MLLT10: variants seen among roughly 807,000 people sequenced by gnomAD.
MLLT10 encodes MLLT10 histone lysine methyltransferase DOT1L cofactor.
Under a neutral mutation model 129.1 loss-of-function variants are expected in MLLT10, and 30 were observed. The ratio of observed to expected loss-of-function variants is 0.23; its 90% confidence interval spans 0.17 to 0.32. The LOEUF (loss-of-function observed/expected upper bound fraction) is 0.32. MLLT10 is among the 10% of genes least tolerant of loss of function. MLLT10 has a pLI of 1.00. For missense variants in MLLT10, 1,119 were observed against 1,268.3 expected, an observed-to-expected ratio of 0.88 and a Z score of 1.79; for synonymous variants, 490 against 446.4, an observed-to-expected ratio of 1.10 and a Z score of -1.23.
chr10:21,550,965 A>T (rs1253867024), intron 3 of MLLT10, among the ~76,000 whole-genome samples: 1 of 143,462 alleles, frequency 7.0e-6, no homozygotes, highest in Non-Finnish European at 1.5e-5. Context: ...TTGCTCTGTC[A>T]CCCAGTGCAG....
chr10:21,605,134 T>TG (rs2043933652), intron 5 of MLLT10, among the ~76,000 whole-genome samples: 1 of 152,024 alleles, frequency 6.6e-6, no homozygotes, highest in Non-Finnish European at 1.5e-5. Flanking sequence ...TTTAACATCT[T>TG]GGCTTAGCCT....
chr10:21,693,289 A>C (rs2131443652), intron 13 of MLLT10, among the ~76,000 whole-genome samples: 1 of 152,216 alleles, frequency 6.6e-6, no homozygotes, highest in East Asian at 1.9e-4. Context: ...ACTTTTTGCT[A>C]TGCATGTTTA....
At chr10:21,707,461 GATT>G (rs2055644120) in intron 13 of MLLT10, among the ~76,000 whole-genome samples, 1 of 152,094 alleles carries the variant, frequency 6.6e-6, no homozygotes, top group African/African-American at 2.4e-5. Context: ...AAAGTGCTGG[GATT>G]ACAGGCGTGA....
chr10:21,696,214 T>TA, intron 13 of MLLT10, among the ~76,000 whole-genome samples: 1 of 151,180 alleles, frequency 6.6e-6, no homozygotes, highest in East Asian at 1.9e-4. Context: ...TTATTATTAT[T>TA]TTTTTTTTGA....
intron 3 of MLLT10, among the ~76,000 whole-genome samples, chr10:21,560,639 A>G (rs1415554670): frequency 6.6e-6 from 1 of 152,044 alleles, no homozygotes; most frequent in Non-Finnish European, 1.5e-5. Flanking sequence ...GTAGAGAGGT[A>G]GCTTCACTAT....
chr10:21,720,461 G>A (rs565177047), intron 14 of MLLT10, among the ~76,000 whole-genome samples: 1 of 152,330 alleles, frequency 6.6e-6, no homozygotes, highest in South Asian at 2.1e-4. Context: ...TTGATCTGGA[G>A]AATATGTGAA....
Position 21,740,222 on chromosome 10 carries a change from A to C in MLLT10, c.3148A>C (p.Ser1050Arg). 20 of 1,614,110 alleles carry C rather than the reference A, an allele frequency of 1.2e-5. No individual in the cohort carries two copies. The highest frequency in any genetic ancestry group is 1.7e-5 in the Non-Finnish European group (20 of 1,179,944). Residue 1050 changes from serine to arginine, a missense_variant, in exon 22 of 23, where the codon AGT becomes CGT. Physicochemically the swap from Ser to Arg is moderately radical, Grantham distance 110. This residue lies in a region of MLLT10 where 1,004 missense variants were observed against 1,008.7 expected (regional missense o/e 1.00). Coordinates refer to ENST00000307729, the MANE Select transcript of MLLT10 (RefSeq NM_001195626.3). Reference sequence around the variant, plus strand: ...TCTCACCATCCATGGAGATAATGCAAGTCAGAAAGTAGCAGTAAGTATATT... The same window carrying C: ...TCTCACCATCCATGGAGATAATGCACGTCAGAAAGTAGCAGTAAGTATATT... ...PFLTIHGDNA[S>R]QKVARLSDKT...
At chr10:21,565,395 C>T (rs571374490) in intron 3 of MLLT10, among the ~76,000 whole-genome samples, 148 of 152,204 alleles carry the variant, frequency 9.7e-4, no homozygotes, top group Middle Eastern at 3.4e-3. Context: ...GCAACCTCCG[C>T]CTTCCGGATT....
At chr10:21,702,344 G>T (rs890282994) in intron 13 of MLLT10, among the ~76,000 whole-genome samples, 1 of 152,100 alleles carries the variant, frequency 6.6e-6, no homozygotes, top group African/African-American at 2.4e-5. Context: ...TTAAAGATTT[G>T]TTTTGTGTCC....
chr10:21,687,377 C>T (rs1324249775), intron 13 of MLLT10, among the ~76,000 whole-genome samples: 1 of 152,164 alleles, frequency 6.6e-6, no homozygotes, highest in Non-Finnish European at 1.5e-5. Context: ...GAGTAATACT[C>T]AGGCTCATAT....
intron 3 of MLLT10, among the ~76,000 whole-genome samples, chr10:21,562,528 G>T (rs2038957766): frequency 6.6e-6 from 1 of 151,522 alleles, no homozygotes; most frequent in African/African-American, 2.4e-5. Context: ...AGTAGAGACA[G>T]GGTTTTACCA....
At chr10:21,633,792 G>C (rs935188040) in intron 8 of MLLT10, among the ~76,000 whole-genome samples, 1 of 152,244 alleles carries the variant, frequency 6.6e-6, no homozygotes, top group Non-Finnish European at 1.5e-5. Context: ...ATTCTATATA[G>C]CCACAATGTA....
At chr10:21,569,425 ATT>A (rs768378294) in intron 3 of MLLT10, among the ~76,000 whole-genome samples, 7 of 138,570 alleles carry the variant, frequency 5.1e-5, no homozygotes, top group Admixed American at 7.2e-5. Context: ...TACCCAGCCA[ATT>A]TTTTTTTTTT....
At chr10:21,545,466 G>C (rs1430483996) in intron 3 of MLLT10, among the ~76,000 whole-genome samples, 1 of 152,114 alleles carries the variant, frequency 6.6e-6, no homozygotes, top group Non-Finnish European at 1.5e-5. Context: ...TCCTGGTTTG[G>C]GTAGAACCCT....
At chr10:21,551,798 CTCT>C in intron 3 of MLLT10, 2 of 403,648 alleles carry the variant, frequency 5.0e-6, no homozygotes, top group South Asian at 1.7e-5. Flanking sequence ...CTGTCTCTCT[CTCT>C]TTTTTTTTTT....
chr10:21,578,032 A>T (rs1029721675), intron 3 of MLLT10, among the ~76,000 whole-genome samples: 2 of 151,832 alleles, frequency 1.3e-5, no homozygotes, highest in Admixed American at 6.6e-5. Flanking sequence ...AGTACCTGGG[A>T]TTACAGGTGC....
intron 3 of MLLT10, among the ~76,000 whole-genome samples, chr10:21,567,514 C>T (rs181502563): frequency 6.6e-6 from 1 of 152,202 alleles, no homozygotes; most frequent in East Asian, 1.9e-4. Flanking sequence ...TCCAGTCTTC[C>T]CTACTTTTCT....
intron 13 of MLLT10, among the ~76,000 whole-genome samples, chr10:21,690,666 C>G (rs1017576885): frequency 2.0e-5 from 3 of 151,964 alleles, no homozygotes; most frequent in Non-Finnish European, 4.4e-5. Flanking sequence ...TACCTCTGTC[C>G]TGGAGTTACT....
At chr10:21,702,797 T>A (rs1249003478) in intron 13 of MLLT10, among the ~76,000 whole-genome samples, 1 of 152,214 alleles carries the variant, frequency 6.6e-6, no homozygotes, top group Non-Finnish European at 1.5e-5. Context: ...ATACCTTTAC[T>A]TTCCATCTGT....
Sources: gnomAD v4.1 joint callset for allele counts (sites outside exome capture counted in the v4.1 genomes callset) on GRCh38, gnomAD v4.1.1 for gene constraint, gnomAD v4.1.1 regional missense constraint, MANE v1.5 for transcripts, NCBI Gene and HGNC (gene_info 2026-07-23, HGNC 2026-07-21) for gene names.